Variants in CDHR3 observed in about 807,000 individuals in gnomAD.
CDHR3 encodes the protein cadherin related family member 3, also known as cadherin-related family member 3.
CDHR3 carries 79 observed loss-of-function variants against 86.6 expected under a neutral mutation model. That is an observed-to-expected ratio of 0.91 (90% CI 0.76 to 1.10). The LOEUF is 1.10. CDHR3 is among the 50% of genes least tolerant of loss of function. CDHR3 has a pLI of 0.00. For missense variants in CDHR3, 1,081 were observed against 1,077.6 expected, an observed-to-expected ratio of 1.00 and a Z score of -0.04; for synonymous variants, 421 against 402.4, an observed-to-expected ratio of 1.05 and a Z score of -0.55.
Position 106,028,940 on chromosome 7 carries a change from C to CTTTCTTTCTTTCTTTT in CDHR3, c.2304+373_2304+374insTTTTCTTTCTTTCTTT, listed in dbSNP as rs1554532777. On this transcript the variant is annotated intron_variant, in intron 17 of 18. Transcript: ENST00000317716. ...ATTTTCTTTCTTTCTTTCTTTCTTT[C>CTTTCTTTCTTTCTTTT]TTTCTTTCTTTCTTTCTTTCTTTCT... 1.3e-3 allele frequency among the ~76,000 whole-genome samples: 180 copies of CTTTCTTTCTTTCTTTT among 133,810 alleles called. 1 individual carries two copies. The highest frequency in any genetic ancestry group is 2.4e-3 in the Non-Finnish European group (152 of 63,480). The allele number at this position is 133,810 out of a possible 152,430, so 87.8% of individuals were successfully genotyped here.
At chr7:105,969,354 T>G (rs1441962317) in intron 1 of CDHR3, among the ~76,000 whole-genome samples, 1 of 132,708 alleles carries the variant, frequency 7.5e-6, no homozygotes, top group African/African-American at 2.9e-5. Context: ...GAGCCGAGAT[T>G]GCGCCACTGC....
intron 4 of CDHR3, among the ~76,000 whole-genome samples, chr7:105,994,243 AATAGGTATAGTCCTATTACCTAGTGGG>A (rs1259131528): frequency 1.3e-5 from 2 of 148,938 alleles, no homozygotes; most frequent in African/African-American, 5.2e-5. Context: ...TTAAATAGGT[AATAGGTATAGTCCTATTACCTAGTGGG>A]TAGTAGCTGT....
Position 106,032,584 on chromosome 7 carries a change from G to A in CDHR3, c.2545G>A (p.Ala849Thr), listed in dbSNP as rs758505300. 1 of 1,614,002 alleles carries A rather than the reference G, an allele frequency of 6.2e-7. No homozygotes were observed. Among genetic ancestry groups the A allele is most frequent in the Non-Finnish European group, 8.5e-7 (1 of 1,179,894 alleles). ...EEDELSGKAW[A>T]EDAGLGSRNE... ...AGATGAGCTGAGTGGCAAAGCGTGG[G>A]CTGAGGATGCTGGTCTGGGTTCCAG... The change falls in exon 19 of 19, where the codon GCT becomes ACT. Residue 849 changes from alanine to threonine, a missense_variant. Ala to Thr is a moderately conservative substitution (Grantham distance 58). Coordinates refer to ENST00000317716, the MANE Select transcript of CDHR3 (RefSeq NM_152750.5).
At chr7:105,967,201 A>G (rs1827101238) in intron 1 of CDHR3, among the ~76,000 whole-genome samples, 1 of 152,056 alleles carries the variant, frequency 6.6e-6, no homozygotes, top group Non-Finnish European at 1.5e-5. Context: ...GAGAACGTGC[A>G]GTGTTTGGTT....
At chr7:106,032,105 G>A (rs1006567358) in intron 18 of CDHR3, among the ~76,000 whole-genome samples, 49 of 152,326 alleles carry the variant, frequency 3.2e-4, no homozygotes, top group African/African-American at 1.2e-3. Context: ...GAGTTACATG[G>A]CCTTCTCATC....
intron 3 of CDHR3, among the ~76,000 whole-genome samples, chr7:105,982,623 T>C (rs934603851): frequency 1.3e-5 from 2 of 151,890 alleles, no homozygotes; most frequent in Non-Finnish European, 2.9e-5. Context: ...GCCTCAAACA[T>C]GACCCTACCT....
intron 13 of CDHR3, 77 bp downstream of exon 13, chr7:106,020,621 A>T: frequency 6.7e-7 from 1 of 1,499,712 alleles, no homozygotes; most frequent in East Asian, 2.3e-5. Flanking sequence ...GTCTGTGCTC[A>T]CACACTGATC....
Position 106,024,398 on chromosome 7 carries a change from G to C in CDHR3, c.2094G>C (p.Gln698His). The C allele has an allele frequency of 6.2e-7, 1 of 1,613,994 alleles. No individual in the cohort carries two copies. The highest frequency in any genetic ancestry group is 8.5e-7 in the Non-Finnish European group (1 of 1,179,866). Reference protein sequence around the residue: ...TTTPRPRVTYQVLRKNVYSPS... With the variant: ...TTTPRPRVTYHVLRKNVYSPS... The stretch of plus-strand genomic sequence containing the variant: ...TGTTCAAGCCCAGGGTCACCTATCA[G>C]GTCCTGAGGAAAAACGTTTACTCTC... Residue 698 changes from glutamine to histidine, a missense_variant, in exon 15 of 19, where the codon CAG becomes CAC. Transcript: ENST00000317716.
chr7:106,028,393 A>G, intron 16 of CDHR3, 158 bp from the exon 17 acceptor site: 2 of 787,918 alleles, frequency 2.5e-6, no homozygotes, highest in Non-Finnish European at 4.4e-6. Context: ...GAAGATGGAA[A>G]GTTGTCAAGA....
intron 12 of CDHR3, among the ~76,000 whole-genome samples, chr7:106,019,391 T>A (rs1037656474): frequency 6.6e-6 from 1 of 151,552 alleles, no homozygotes; most frequent in African/African-American, 2.4e-5. Context: ...TTAGGCTGTT[T>A]TTTTTTTTTT....
At chr7:106,017,229 A>G (rs2115861533) in intron 11 of CDHR3, among the ~76,000 whole-genome samples, 1 of 152,270 alleles carries the variant, frequency 6.6e-6, no homozygotes, top group Non-Finnish European at 1.5e-5. Flanking sequence ...ATTGTTTCTG[A>G]TAGCAAAATG....
chr7:105,994,217 G>C (rs938450264), intron 4 of CDHR3, among the ~76,000 whole-genome samples: 1 of 149,038 alleles, frequency 6.7e-6, no homozygotes, highest in African/African-American at 2.6e-5. Context: ...CTATTACCTA[G>C]TGGGTAGTAG....
In CDHR3 at chr7:105,970,205, C is replaced by T. The variant is rs74347081; in HGVS notation, c.47-4639C>T. On this transcript the variant is annotated intron_variant, in intron 1 of 18. Coordinates refer to ENST00000317716, the MANE Select transcript of CDHR3 (RefSeq NM_152750.5). ...ATGGCATCACCCCACATTCTTGACC[C>T]GCATCTCCACTTTCAGTGTCAAAGG... Among the ~76,000 whole-genome samples, 994 of 152,024 alleles carry T rather than the reference C, an allele frequency of 6.5e-3. 14 individuals are homozygous for T. The highest frequency in any genetic ancestry group is 0.023 in the African/African-American group (947 of 41,468).
At chr7:105,965,005 C>T (rs1425632009) in intron 1 of CDHR3, among the ~76,000 whole-genome samples, 1 of 151,892 alleles carries the variant, frequency 6.6e-6, no homozygotes, top group East Asian at 1.9e-4. Flanking sequence ...TAGGAAGAAC[C>T]CAATTTCTTA....
intron 2 of CDHR3, among the ~76,000 whole-genome samples, chr7:105,975,997 C>G (rs1429149508): frequency 6.6e-6 from 1 of 152,194 alleles, no homozygotes; most frequent in East Asian, 1.9e-4. Context: ...GGCCAGAGCC[C>G]AGATTTCCGG....
intron 11 of CDHR3, among the ~76,000 whole-genome samples, chr7:106,017,187 A>G (rs1028014514): frequency 6.6e-6 from 1 of 152,144 alleles, no homozygotes; most frequent in Admixed American, 6.6e-5. Flanking sequence ...CTGCAAAGAG[A>G]TGTATGTGTG....
At chr7:106,011,915 A>G (rs1834866744) in intron 8 of CDHR3, among the ~76,000 whole-genome samples, 1 of 152,202 alleles carries the variant, frequency 6.6e-6, no homozygotes, top group African/African-American at 2.4e-5. Flanking sequence ...TGGATGAATA[A>G]TATAAAGGTG....
chr7:105,971,660 A>G (rs149803885), intron 1 of CDHR3, among the ~76,000 whole-genome samples: 104 of 152,316 alleles, frequency 6.8e-4, no homozygotes, highest in African/African-American at 2.4e-3. Context: ...AGGAGCTATC[A>G]GCAGGCAATA....
In CDHR3 at chr7:105,974,978, C is replaced by T. The variant is rs1234940412; in HGVS notation, c.181C>T (p.Gln61Ter). 9.3e-6 allele frequency: 15 copies of T among 1,613,858 alleles called. No homozygotes were observed. Among genetic ancestry groups the T allele is most frequent in the Non-Finnish European group, 1.2e-5 (14 of 1,179,872 alleles). Residue 61 changes from glutamine (Q) to a stop codon, truncating the protein, a stop_gained, in exon 2 of 19, where the codon CAG becomes TAG. Transcript: ENST00000317716. LOFTEE classifies it high-confidence loss of function. ...GTCACCTGTGATCCCAGGATTTCCC[C>T]AGATAGTCAACTCAAATCCCCTCAC... The part of the protein sequence containing the change: ...SLSPVIPGFP[Q>*]IVNSNPLTEA...
Sources: gnomAD v4.1 joint callset for allele counts (sites outside exome capture counted in the v4.1 genomes callset) on GRCh38, gnomAD v4.1.1 for gene constraint, MANE v1.5 for transcripts, NCBI Gene and HGNC (gene_info 2026-07-23, HGNC 2026-07-21) for gene names.